NBEA: variants seen among roughly 807,000 people sequenced by gnomAD.
NBEA encodes the protein lysosomal-trafficking regulator 2.
In NBEA, 44 loss-of-function variants were observed where a neutral mutation model predicts 343.4. The ratio of observed to expected loss-of-function variants is 0.13; its 90% CI spans 0.10 to 0.16. The LOEUF (loss-of-function observed/expected upper bound fraction) is 0.16, where lower values mean the gene tolerates loss of function less well. Among genes scored for constraint, NBEA ranks in the 10% least tolerant of loss-of-function variants. The pLI is 1.00. For missense variants in NBEA, 2,555 were observed against 3,631.3 expected, an observed-to-expected ratio of 0.70 and a Z score of 7.62; for synonymous variants, 1,175 against 1,238.7, an observed-to-expected ratio of 0.95 and a Z score of 1.08.
At chr13:35,527,245 G>A (rs959774677) in intron 41 of NBEA, among the ~76,000 whole-genome samples, 3 of 152,132 alleles carry the variant, frequency 2.0e-5, no homozygotes, top group African/African-American at 7.2e-5. Context: ...ACGTGGGCAT[G>A]CCTGGAAAAT....
Position 35,173,610 on chromosome 13 carries a change from T to C in NBEA, c.4554+16T>C. The C allele has an allele frequency of 6.3e-7, 1 of 1,590,340 alleles. No homozygotes were observed. The highest frequency in any genetic ancestry group is 8.5e-7 in the Non-Finnish European group (1 of 1,169,854). On this transcript the variant is annotated intron_variant, in intron 27 of 58. Transcript: ENST00000379939. Reference sequence around the variant, plus strand: ...AGCTTCGAAGGTAAGTAAACTTTTTTTCTTGGCCAAATATAATTTACCTGA... The same window carrying C: ...AGCTTCGAAGGTAAGTAAACTTTTTCTCTTGGCCAAATATAATTTACCTGA...
At chr13:34,994,933 TC>T (rs1466469183) in intron 1 of NBEA, among the ~76,000 whole-genome samples, 1 of 152,180 alleles carries the variant, frequency 6.6e-6, no homozygotes, top group African/African-American at 2.4e-5. Flanking sequence ...CTTAATGATT[TC>T]AAAGAATTAT....
chr13:35,072,901 G>T (rs2063938153), intron 10 of NBEA, among the ~76,000 whole-genome samples: 2 of 152,050 alleles, frequency 1.3e-5, no homozygotes, highest in African/African-American at 4.8e-5. Flanking sequence ...TTACAAGAAT[G>T]ATACTGCTTT....
At chr13:35,442,539 G>A (rs372142419) in intron 39 of NBEA, among the ~76,000 whole-genome samples, 27 of 151,990 alleles carry the variant, frequency 1.8e-4, no homozygotes, top group Middle Eastern at 3.2e-3. Flanking sequence ...AGTTTTCTAC[G>A]TTGACTCCAT....
chr13:34,999,083 C>T (rs929311656), intron 1 of NBEA, among the ~76,000 whole-genome samples: 17 of 152,216 alleles, frequency 1.1e-4, no homozygotes, highest in African/African-American at 4.1e-4. Context: ...CCCTCAACAA[C>T]TAACCAAGCT....
chr13:35,561,553 A>G (rs1244658748), intron 44 of NBEA, among the ~76,000 whole-genome samples: 1 of 152,112 alleles, frequency 6.6e-6, no homozygotes, highest in Admixed American at 6.5e-5. Flanking sequence ...TTTTTTCCCA[A>G]AAATATTATT....
chr13:35,155,997 A>C, intron 19 of NBEA, 86 bp from the exon 20 acceptor site: 2 of 1,469,330 alleles, frequency 1.4e-6, no homozygotes, highest in South Asian at 2.5e-5. Context: ...TATAGTGTTA[A>C]GTATTTATTT....
In NBEA at chr13:35,157,108, T is replaced by C. The variant is rs764192718; in HGVS notation, c.2682T>C (p.Asp894=). Residue 894 remains aspartate (D), a synonymous_variant, in exon 21 of 59, where the codon GAT becomes GAC. Transcript: ENST00000379939. ...RCLLQCSVWQ[D]WMFSLGYINP... is the part of the protein sequence containing the mutation. ...TATTGCAGTGTTCAGTGTGGCAGGA[T>C]TGGATGTTTTCTCTTGGCTATATCA... 2.6e-5 allele frequency: 41 copies of C among 1,601,116 alleles called. No individual in the cohort carries two copies. The highest frequency in any genetic ancestry group is 1.9e-4 in the Admixed American group (11 of 58,468).
At chr13:35,441,535 C>T (rs554483395) in intron 39 of NBEA, among the ~76,000 whole-genome samples, 3 of 152,190 alleles carry the variant, frequency 2.0e-5, no homozygotes, top group African/African-American at 7.2e-5. Context: ...GTCATTAATG[C>T]CACCTTAATT....
intron 44 of NBEA, among the ~76,000 whole-genome samples, chr13:35,562,036 G>A (rs1269788916): frequency 2.6e-5 from 4 of 152,064 alleles, no homozygotes; most frequent in Admixed American, 2.0e-4. Context: ...TGATTTTTCT[G>A]TTTTTCATTC....
At chr13:35,090,316 C>T (rs1235748498) in intron 10 of NBEA, among the ~76,000 whole-genome samples, 1 of 151,766 alleles carries the variant, frequency 6.6e-6, no homozygotes, top group Non-Finnish European at 1.5e-5. Flanking sequence ...TTCATTGTTG[C>T]AACCCACAAG....
intron 10 of NBEA, among the ~76,000 whole-genome samples, chr13:35,095,648 C>G (rs1375413554): frequency 6.6e-6 from 1 of 151,858 alleles, no homozygotes; most frequent in Non-Finnish European, 1.5e-5. Flanking sequence ...TACAGGATTA[C>G]AAACTCTTAT....
intron 40 of NBEA, among the ~76,000 whole-genome samples, chr13:35,468,718 TTCTTGGTGG>T (rs2075509213): frequency 6.6e-6 from 1 of 152,182 alleles, no homozygotes; most frequent in Non-Finnish European, 1.5e-5. Context: ...TACAGATGTG[TTCTTGGTGG>T]TCTTTGGCAA....
intron 43 of NBEA, among the ~76,000 whole-genome samples, chr13:35,551,778 C>CT: frequency 6.6e-6 from 1 of 152,294 alleles, no homozygotes; most frequent in Non-Finnish European, 1.5e-5. Flanking sequence ...ACCGCTACTT[C>CT]TTCAGCTACT....
At chr13:35,592,309 T>C in intron 46 of NBEA, among the ~76,000 whole-genome samples, 1 of 152,114 alleles carries the variant, frequency 6.6e-6, no homozygotes, top group East Asian at 1.9e-4. Flanking sequence ...GATTATATAT[T>C]GAGCAACTTC....
chr13:35,603,143 G>A (rs943190883), intron 47 of NBEA, among the ~76,000 whole-genome samples: 1 of 151,730 alleles, frequency 6.6e-6, no homozygotes, highest in African/African-American at 2.4e-5. Flanking sequence ...CTTTAATAAA[G>A]TTCTTCATTC....
intron 28 of NBEA, among the ~76,000 whole-genome samples, chr13:35,178,734 T>C (rs925451667): frequency 2.6e-5 from 4 of 151,574 alleles, no homozygotes; most frequent in Non-Finnish European, 5.9e-5. Context: ...AATGAAGGTT[T>C]TTTTAAAAAG....
At chr13:35,284,686 TAGAA>T (rs1302874944) in intron 34 of NBEA, among the ~76,000 whole-genome samples, 4 of 152,268 alleles carry the variant, frequency 2.6e-5, no homozygotes, top group Admixed American at 1.3e-4. Flanking sequence ...GGTTTTGAAT[TAGAA>T]AGCCACATGA....
intron 25 of NBEA, among the ~76,000 whole-genome samples, chr13:35,170,864 A>T (rs1427939314): frequency 1.3e-5 from 2 of 151,944 alleles, no homozygotes; most frequent in African/African-American, 4.8e-5. Flanking sequence ...AAGAAAAATC[A>T]AAGCATATAT....
Sources: gnomAD v4.1 joint callset for allele counts (sites outside exome capture counted in the v4.1 genomes callset) on GRCh38, gnomAD v4.1.1 for gene constraint, MANE v1.5 for transcripts, NCBI Gene and HGNC (gene_info 2026-07-23, HGNC 2026-07-21) for gene names.